The following RASSF8 variants were observed in gnomAD, a reference collection of about 807,000 sequenced individuals.
The protein encoded by RASSF8 is Ras association domain family member 8, also known as ras association domain-containing protein 8.
RASSF8 carries 22 observed loss-of-function variants against 48.5 expected under a neutral mutation model. That is an observed-to-expected ratio of 0.45 (90% CI 0.32 to 0.65). The LOEUF (loss-of-function observed/expected upper bound fraction) is 0.65, where lower values mean the gene tolerates loss of function less well. Ranked by LOEUF, RASSF8 falls within the 30% of genes least tolerant of loss-of-function variation. The pLI is 0.03. For missense variants in RASSF8, 418 were observed against 489.2 expected (o/e 0.85, Z 1.37); for synonymous variants, 127 against 171.5 (o/e 0.74, Z 2.03).
At chr12:26,057,075 G>C (rs1194656596) in intron 3 of RASSF8, among the ~76,000 whole-genome samples, 1 of 148,116 alleles carries the variant, frequency 6.8e-6, no homozygotes, top group Non-Finnish European at 1.5e-5. Context: ...AGTGCTATAA[G>C]CTGCATCTGT....
intron 1 of RASSF8, among the ~76,000 whole-genome samples, chr12:25,962,598 C>CT (rs542826402): frequency 2.0e-4 from 30 of 149,386 alleles, no homozygotes; most frequent in East Asian, 3.9e-4. Context: ...GTATCTTTAT[C>CT]TTTTTTTTTT....
intron 2 of RASSF8, among the ~76,000 whole-genome samples, chr12:26,032,258 G>A (rs1017150299): frequency 2.6e-5 from 4 of 152,138 alleles, no homozygotes; most frequent in Admixed American, 6.5e-5. Flanking sequence ...GGAATATTGT[G>A]TATGTTATTG....
At chr12:26,036,707 A>G (rs1160259706) in intron 2 of RASSF8, among the ~76,000 whole-genome samples, 1 of 152,090 alleles carries the variant, frequency 6.6e-6, no homozygotes, top group Non-Finnish European at 1.5e-5. Flanking sequence ...CAGGAGTTCA[A>G]GACTAGCCTG....
chr12:26,073,389 AAATT>A (rs751054657), downstream of RASSF8, among the ~76,000 whole-genome samples: 1 of 152,176 alleles, frequency 6.6e-6, no homozygotes, highest in African/African-American at 2.4e-5. Context: ...GGAAGTATAT[AAATT>A]GTCATTTTTA....
chr12:26,019,950 A>C (rs1003668008), intron 2 of RASSF8, among the ~76,000 whole-genome samples: 7 of 152,182 alleles, frequency 4.6e-5, no homozygotes, highest in African/African-American at 1.7e-4. Context: ...TAAAATTTGC[A>C]GCTTTATGGC....
At chr12:26,017,083 A>G (rs1942668915) in intron 2 of RASSF8, among the ~76,000 whole-genome samples, 1 of 152,110 alleles carries the variant, frequency 6.6e-6, no homozygotes, top group African/African-American at 2.4e-5. Context: ...GATTTTTCAT[A>G]TGGGAATAAA....
intron 2 of RASSF8, among the ~76,000 whole-genome samples, chr12:26,024,801 C>CA (rs1942868227): frequency 6.6e-6 from 1 of 151,500 alleles, no homozygotes; most frequent in African/African-American, 2.4e-5. Context: ...CTAAAAAATA[C>CA]AAAAAATTAG....
At position 26,049,749 on chromosome 12, in the gene RASSF8, T is replaced by G. The variant is rs112523250; in HGVS notation, c.-108-5487T>G. ...GAAAAACTAAAGTTACTAGTTATATTCATTTGAAAAGTTTATCCTAAGGAA... is the reference window on the plus strand; with the variant it reads ...GAAAAACTAAAGTTACTAGTTATATGCATTTGAAAAGTTTATCCTAAGGAA... On this transcript the variant is annotated intron_variant, in intron 2 of 5. Transcript: ENST00000689635. 1.4e-4 allele frequency among the ~76,000 whole-genome samples: 21 copies of G among 152,342 alleles called. 1 individual carries two copies. Among genetic ancestry groups the G allele is most frequent in the African/African-American group, 4.8e-4 (20 of 41,586 alleles).
At chr12:26,012,448 T>C (rs942119300) in intron 2 of RASSF8, among the ~76,000 whole-genome samples, 2 of 152,194 alleles carry the variant, frequency 1.3e-5, no homozygotes, top group Non-Finnish European at 2.9e-5. Context: ...TTTAGCCTTT[T>C]TTCAGTGGCT....
At chr12:25,968,406 G>A (rs1307141040) in intron 1 of RASSF8, among the ~76,000 whole-genome samples, 2 of 152,056 alleles carry the variant, frequency 1.3e-5, no homozygotes, top group South Asian at 2.1e-4. Flanking sequence ...GCAGTGGCAC[G>A]ATCTCGGCTC....
At chr12:25,970,708 C>G (rs1294294144) in intron 1 of RASSF8, among the ~76,000 whole-genome samples, 1 of 152,278 alleles carries the variant, frequency 6.6e-6, no homozygotes, top group Non-Finnish European at 1.5e-5. Context: ...GGTCTCACAC[C>G]CTGGGCTGGT....
chr12:26,063,501 A>G (rs1293871013), intron 3 of RASSF8, among the ~76,000 whole-genome samples: 2 of 152,052 alleles, frequency 1.3e-5, no homozygotes, highest in African/African-American at 4.8e-5. Flanking sequence ...GGATCAGGCG[A>G]TTCTCCTATT....
chr12:25,967,398 T>C (rs1488167225), intron 1 of RASSF8, among the ~76,000 whole-genome samples: 1 of 152,252 alleles, frequency 6.6e-6, no homozygotes, highest in Non-Finnish European at 1.5e-5. Context: ...AAATGTTTCC[T>C]ATTGATAATT....
chr12:26,070,918 C>CT lies in RASSF8; in HGVS notation c.*2103dup, dbSNP rs1943985606. The CT allele has an allele frequency of 1.0e-6, 1 of 984,790 alleles. No individual in the cohort carries two copies. The highest frequency in any genetic ancestry group is 4.7e-5 in the South Asian group (1 of 21,278). The allele number at this position is 984,790 out of a possible 1,614,324, so 61.0% of individuals were successfully genotyped here. On this transcript the variant is annotated 3_prime_UTR_variant, in exon 6 of 6. Transcript: ENST00000689635. ...ATTGTTATCAGAATTAACCTAATAA[C>CT]TTTAAGTAAGGACAAGCAGCATCCT...
chr12:25,985,544 G>A (rs1941853015), intron 1 of RASSF8, among the ~76,000 whole-genome samples: 1 of 152,258 alleles, frequency 6.6e-6, no homozygotes, highest in Admixed American at 6.5e-5. Context: ...GCAGATGGCA[G>A]CATTTGTCTG....
rs1039594809 is a variant in RASSF8, at chr12:26,070,159, T to A, written c.*1341T>A. 6.2e-6 allele frequency: 6 copies of A among 962,948 alleles called. No homozygotes were observed. Among genetic ancestry groups the A allele is most frequent in the Non-Finnish European group, 7.4e-6 (6 of 809,472 alleles). The allele number at this position is 962,948 out of a possible 1,614,324, so 59.7% of individuals were successfully genotyped here. A position where few individuals can be genotyped will look rare whatever the true frequency, so the allele number is the denominator to read the frequency against. On this transcript the variant is annotated 3_prime_UTR_variant, in exon 6 of 6. Coordinates refer to ENST00000689635, the MANE Select transcript of RASSF8 (RefSeq NM_001394098.1). The stretch of plus-strand genomic sequence containing the variant: ...TTTAATCTGAAATTTAAAGTAGTTT[T>A]AATTCTGAAGAAGTTACATCCTCTG...
chr12:25,980,213 T>C (rs1941707589), intron 1 of RASSF8, among the ~76,000 whole-genome samples: 1 of 152,200 alleles, frequency 6.6e-6, no homozygotes, highest in African/African-American at 2.4e-5. Flanking sequence ...ACGAGAACTT[T>C]CTGTTGTTGT....
chr12:26,053,419 A>T (rs1464687677), intron 2 of RASSF8, among the ~76,000 whole-genome samples: 1 of 152,180 alleles, frequency 6.6e-6, no homozygotes, highest in East Asian at 1.9e-4. Flanking sequence ...AAAGAATAAA[A>T]CATATTCTAT....
In RASSF8 at chr12:26,069,795, T is replaced by TAAGG; in HGVS notation, c.*978_*981dup. 5 of 985,162 alleles carry TAAGG rather than the reference T, an allele frequency of 5.1e-6. No homozygotes were observed. In the South Asian group the frequency reaches 2.3e-4, roughly 46 times the overall value. The allele number at this position is 985,162 out of a possible 1,614,324, so 61.0% of individuals were successfully genotyped here. A position where few individuals can be genotyped will look rare whatever the true frequency, so the allele number is the denominator to read the frequency against. On this transcript the variant is annotated 3_prime_UTR_variant, in exon 6 of 6. Transcript: ENST00000689635. ...GATCTGTTGGTGTACACACCATGGGTAAGGTATTGCTTGCACATAATTTGC... is the reference window on the plus strand; with the variant it reads ...GATCTGTTGGTGTACACACCATGGGTAAGGAAGGTATTGCTTGCACATAATTTGC...
Sources: allele counts gnomAD v4.1 joint callset (sites outside exome capture counted in the v4.1 genomes callset), GRCh38; gene constraint gnomAD v4.1.1; transcripts MANE v1.5; gene names NCBI Gene and HGNC (gene_info 2026-07-23, HGNC 2026-07-21).